Variants in PKNOX2 observed in about 807,000 individuals in gnomAD.
PKNOX2 encodes PBX/knotted 1 homeobox 2, also known as homeobox protein PKNOX2.
PKNOX2 carries 14 observed loss-of-function variants against 53.1 expected under a neutral mutation model. The observed-to-expected ratio is 0.26, with a 90% CI of 0.17 to 0.41. The LOEUF (loss-of-function observed/expected upper bound fraction) is 0.41, where lower values mean the gene tolerates loss of function less well. Among genes scored for constraint, PKNOX2 ranks in the 10% least tolerant of loss-of-function variants. The pLI, the probability that PKNOX2 is intolerant of heterozygous loss-of-function variation, is 1.00. For synonymous variants in PKNOX2, 257 were observed against 242.8 expected (o/e 1.06, Z -0.54); for missense variants, 496 against 602.8 (o/e 0.82, Z 1.85).
rs973162244 is a variant in PKNOX2, at chr11:125,165,596, G to C, written c.-201+820G>C. Among the ~76,000 whole-genome samples, 1 of 152,190 alleles carries C rather than the reference G, an allele frequency of 6.6e-6. No homozygotes were observed. The highest frequency in any genetic ancestry group is 1.5e-5 in the Non-Finnish European group (1 of 68,016). On this transcript the variant is annotated intron_variant, in intron 1 of 12. Coordinates refer to ENST00000298282, the MANE Select transcript of PKNOX2 (RefSeq NM_001382323.2). The surrounding 1 kb of genome is among the most constrained non-coding windows in gnomAD (Gnocchi z 4.5). ...GTTTGCAGACGGATCAGTGGAGACA[G>C]GGGAACACCGGCGGGGCCCGGGAAG...
At chr11:125,280,819 G>A (rs1460648632) in intron 2 of PKNOX2, among the ~76,000 whole-genome samples, 5 of 152,204 alleles carry the variant, frequency 3.3e-5, no homozygotes, top group Non-Finnish European at 7.3e-5. Context: ...GCAGGGCTCT[G>A]GTTGTCACGA....
chr11:125,304,152 AG>A (rs1948262270), intron 2 of PKNOX2, among the ~76,000 whole-genome samples: 1 of 152,110 alleles, frequency 6.6e-6, no homozygotes, highest in African/African-American at 2.4e-5. Flanking sequence ...GTTGGTGGGG[AG>A]GGGGCTGCTT....
At chr11:125,345,895 T>C (rs951190019) in intron 3 of PKNOX2, among the ~76,000 whole-genome samples, 7 of 152,140 alleles carry the variant, frequency 4.6e-5, no homozygotes, top group Non-Finnish European at 7.3e-5. Flanking sequence ...CAGGTTATAT[T>C]ATATAATGCA....
chr11:125,213,658 A>T (rs1157722834), intron 1 of PKNOX2, among the ~76,000 whole-genome samples: 1 of 152,064 alleles, frequency 6.6e-6, no homozygotes, highest in Non-Finnish European at 1.5e-5. Flanking sequence ...AGGCCTCCCT[A>T]TGTTGCCCAG....
At chr11:125,267,538 T>C (rs1047360880) in intron 2 of PKNOX2, among the ~76,000 whole-genome samples, 4 of 152,206 alleles carry the variant, frequency 2.6e-5, no homozygotes, top group Non-Finnish European at 1.5e-5. Context: ...GCTGGGGTGC[T>C]TTCTAGCTCC....
At chr11:125,191,782 T>C (rs1162480871) in intron 1 of PKNOX2, among the ~76,000 whole-genome samples, 1 of 152,214 alleles carries the variant, frequency 6.6e-6, no homozygotes, top group East Asian at 1.9e-4. Context: ...TGATGAAACC[T>C]GACTGCACTG....
intron 6 of PKNOX2, among the ~76,000 whole-genome samples, chr11:125,396,115 G>A (rs1304005776): frequency 6.6e-6 from 1 of 151,980 alleles, no homozygotes; most frequent in Non-Finnish European, 1.5e-5. Context: ...AACCACCACT[G>A]GCTAATTTTT....
At chr11:125,406,262 G>A (rs987749288) in intron 7 of PKNOX2, among the ~76,000 whole-genome samples, 1 of 152,182 alleles carries the variant, frequency 6.6e-6, no homozygotes, top group Non-Finnish European at 1.5e-5. Context: ...TCCATTCCAC[G>A]GCTCTAGAGA....
chr11:125,172,257 G>A (rs1008078937), intron 1 of PKNOX2, among the ~76,000 whole-genome samples: 3 of 152,206 alleles, frequency 2.0e-5, no homozygotes, highest in Non-Finnish European at 4.4e-5. Flanking sequence ...TTTGGGTCCA[G>A]TTTCCCTTAC....
At chr11:125,298,721 C>A (rs1424817558) in intron 2 of PKNOX2, among the ~76,000 whole-genome samples, 2 of 152,148 alleles carry the variant, frequency 1.3e-5, no homozygotes, top group Non-Finnish European at 2.9e-5. Flanking sequence ...ATGAATGAAG[C>A]CTACAGTGCA....
chr11:125,387,098 A>G (rs1953692727), intron 6 of PKNOX2, among the ~76,000 whole-genome samples: 1 of 152,152 alleles, frequency 6.6e-6, no homozygotes, highest in African/African-American at 2.4e-5. Context: ...GTCCCATGGG[A>G]AAGCTGCCCT....
At chr11:125,397,557 G>C (rs75438948) in intron 6 of PKNOX2, among the ~76,000 whole-genome samples, 10,868 of 152,264 alleles carry the variant, frequency 0.071, 530 homozygotes, top group African/African-American at 0.13. Context: ...ATGACAGGCC[G>C]GGGGCTTGGA....
chr11:125,380,962 G>T (rs756072788), intron 5 of PKNOX2, among the ~76,000 whole-genome samples: 7 of 152,186 alleles, frequency 4.6e-5, no homozygotes, highest in African/African-American at 7.2e-5. Context: ...CCTGGGGAAG[G>T]GGAGGTGACT....
chr11:125,284,327 G>A (rs189325217), intron 2 of PKNOX2, among the ~76,000 whole-genome samples: 30 of 152,338 alleles, frequency 2.0e-4, no homozygotes, highest in Non-Finnish European at 4.0e-4. Flanking sequence ...GTATGAGAGT[G>A]TCTTATCCTG....
In PKNOX2 at chr11:125,431,301, A is replaced by AGGAGGAGGAGGAGCT; in HGVS notation, c.1340_1354dup (p.Glu447_Glu451dup). The AGGAGGAGGAGGAGCT allele has an allele frequency of 6.2e-7, 1 of 1,607,382 alleles. No homozygotes were observed. Among genetic ancestry groups the AGGAGGAGGAGGAGCT allele is most frequent in the Non-Finnish European group, 8.5e-7 (1 of 1,174,932 alleles). On this transcript the variant is annotated inframe_insertion, in exon 13 of 13. Coordinates refer to ENST00000298282, the MANE Select transcript of PKNOX2 (RefSeq NM_001382323.2). ...GAGGATGAGGATGAGATGGAAGAGG[A>AGGAGGAGGAGGAGCT]GGAGGAGGAGGAGCTGGAGGAGGAG...
At chr11:125,170,152 T>G (rs1955172204) in intron 1 of PKNOX2, among the ~76,000 whole-genome samples, 1 of 152,134 alleles carries the variant, frequency 6.6e-6, no homozygotes, top group Non-Finnish European at 1.5e-5. Context: ...TGCTGGCAGA[T>G]CAAAGCAGAT....
At chr11:125,208,514 G>A (rs986654131) in intron 1 of PKNOX2, among the ~76,000 whole-genome samples, 3 of 152,118 alleles carry the variant, frequency 2.0e-5, no homozygotes, top group African/African-American at 7.2e-5. Flanking sequence ...AGTGAGTTAG[G>A]AGACTAATGT....
chr11:125,177,434 T>C (rs751466828), intron 1 of PKNOX2, among the ~76,000 whole-genome samples: 1 of 152,198 alleles, frequency 6.6e-6, no homozygotes, highest in Non-Finnish European at 1.5e-5. Context: ...TAGCAAAATG[T>C]ACCTGCTTTG....
chr11:125,298,504 C>T (rs1947807853), intron 2 of PKNOX2, among the ~76,000 whole-genome samples: 1 of 152,202 alleles, frequency 6.6e-6, no homozygotes, highest in South Asian at 2.1e-4. Flanking sequence ...ACAGCCCTGA[C>T]TCTGGGGTGG....
Sources: allele counts gnomAD v4.1 joint callset (sites outside exome capture counted in the v4.1 genomes callset), GRCh38; gene constraint gnomAD v4.1.1; non-coding constraint Gnocchi (gnomAD v3.1); transcripts MANE v1.5; gene names NCBI Gene and HGNC (gene_info 2026-07-23, HGNC 2026-07-21).